The following KCNAB1 variants were observed in gnomAD, a reference collection of about 807,000 sequenced individuals.
KCNAB1 encodes voltage-gated potassium channel subunit beta-1.
A neutral mutation model predicts 64.6 loss-of-function variants in KCNAB1; 35 were observed. The ratio of observed to expected loss-of-function variants is 0.54; its 90% CI spans 0.41 to 0.72. The LOEUF (loss-of-function observed/expected upper bound fraction) is 0.72. Among genes scored for constraint, KCNAB1 ranks in the 30% least tolerant of loss-of-function variants. KCNAB1 has a pLI of 0.00. For missense variants in KCNAB1, 401 were observed against 512.9 expected (o/e 0.78, Z 2.11); for synonymous variants, 177 against 183.8 (o/e 0.96, Z 0.30).
chr3:156,487,217 A>G (rs1715281120), intron 8 of KCNAB1, among the ~76,000 whole-genome samples: 1 of 152,154 alleles, frequency 6.6e-6, no homozygotes, highest in Non-Finnish European at 1.5e-5. Context: ...CATAAATTAC[A>G]GAATAAAGCA....
chr3:156,201,372 C>A (rs1467079992), intron 1 of KCNAB1, among the ~76,000 whole-genome samples: 1 of 152,074 alleles, frequency 6.6e-6, no homozygotes, highest in East Asian at 1.9e-4. Context: ...TCCCATATAC[C>A]CTATCCTCCC....
Position 156,378,417 on chromosome 3 carries a change from A to G in KCNAB1, c.276-43199A>G, listed in dbSNP as rs116104108. 7.1e-3 allele frequency among the ~76,000 whole-genome samples: 1,075 copies of G among 152,122 alleles called. 9 individuals carry two copies. Among genetic ancestry groups the G allele is most frequent in the African/African-American group, 0.025 (1,027 of 41,488 alleles). On this transcript the variant is annotated intron_variant, in intron 1 of 13. Coordinates refer to ENST00000490337, the MANE Select transcript of KCNAB1 (RefSeq NM_172160.3). ...GAAACCTTAGAATTTTGCCCCTTAA[A>G]CTTGGGCACTGAACTATGCATGCAT... is the stretch of plus-strand genomic sequence containing the variant.
At chr3:156,177,754 C>G (rs1712498011) in intron 1 of KCNAB1, among the ~76,000 whole-genome samples, 1 of 150,108 alleles carries the variant, frequency 6.7e-6, no homozygotes, top group African/African-American at 2.5e-5. Flanking sequence ...TGCATATCTT[C>G]TTTTGCGACA....
intron 1 of KCNAB1, among the ~76,000 whole-genome samples, chr3:156,138,620 G>A (rs973656415): frequency 1.3e-5 from 2 of 152,336 alleles, no homozygotes; most frequent in South Asian, 2.1e-4. Context: ...TTTATAACTA[G>A]TGAATAATTC....
chr3:156,536,928 A>T lies in KCNAB1; in HGVS notation c.*181A>T. 1 of 593,520 alleles carries T rather than the reference A, an allele frequency of 1.7e-6. No homozygotes were observed. Among genetic ancestry groups the T allele is most frequent in the South Asian group, 2.1e-5 (1 of 47,868 alleles). The allele number at this position is 593,520 out of a possible 1,614,324, so 36.8% of individuals were successfully genotyped here. On this transcript the variant is annotated 3_prime_UTR_variant, in exon 14 of 14. Transcript: ENST00000490337. ...CACTGTGCACATCTGAAAACTCACA[A>T]CCAAGAAAATCCATTCTATTTTCTT...
chr3:156,333,223 C>G (rs1432292509), intron 1 of KCNAB1, among the ~76,000 whole-genome samples: 1 of 152,030 alleles, frequency 6.6e-6, no homozygotes, highest in Non-Finnish European at 1.5e-5. Context: ...AAGTTTCCCC[C>G]TTTTGGCTGT....
At chr3:156,260,317 A>G (rs994610561) in intron 1 of KCNAB1, among the ~76,000 whole-genome samples, 5 of 152,180 alleles carry the variant, frequency 3.3e-5, no homozygotes, top group Non-Finnish European at 7.3e-5. Flanking sequence ...ATAAATGTAC[A>G]ATTCAGTGAT....
chr3:156,381,585 A>T (rs1327184396), intron 1 of KCNAB1, among the ~76,000 whole-genome samples: 1 of 152,216 alleles, frequency 6.6e-6, no homozygotes, highest in Non-Finnish European at 1.5e-5. Context: ...TCTTCAGGGA[A>T]ATTTACAGAA....
intron 1 of KCNAB1, among the ~76,000 whole-genome samples, chr3:156,294,792 T>A (rs1576688125): frequency 6.6e-6 from 1 of 152,260 alleles, no homozygotes; most frequent in East Asian, 1.9e-4. Context: ...GATCCCTAAA[T>A]CCAACAGAAG....
intron 7 of KCNAB1, among the ~76,000 whole-genome samples, chr3:156,468,134 A>T (rs997760768): frequency 2.6e-5 from 4 of 152,150 alleles, no homozygotes; most frequent in Non-Finnish European, 5.9e-5. Context: ...CTAAGAGCTA[A>T]TGTTTCATTT....
chr3:156,349,704 G>C (rs1724729303), intron 1 of KCNAB1, among the ~76,000 whole-genome samples: 1 of 152,100 alleles, frequency 6.6e-6, no homozygotes, highest in Non-Finnish European at 1.5e-5. Flanking sequence ...GCGACCACAG[G>C]CAAGTGCCAG....
chr3:156,355,353 A>G (rs1253600481), intron 1 of KCNAB1, among the ~76,000 whole-genome samples: 3 of 151,576 alleles, frequency 2.0e-5, no homozygotes, highest in Non-Finnish European at 4.4e-5. Flanking sequence ...TCTAACAAGC[A>G]TAAGTGCTTG....
intron 1 of KCNAB1, among the ~76,000 whole-genome samples, chr3:156,322,244 C>G (rs1169181772): frequency 6.6e-6 from 1 of 152,176 alleles, no homozygotes; most frequent in Non-Finnish European, 1.5e-5. Flanking sequence ...TCTCCTGTCA[C>G]TTTTCTGCCC....
At chr3:156,284,808 C>A (rs1420310070) in intron 1 of KCNAB1, among the ~76,000 whole-genome samples, 1 of 152,228 alleles carries the variant, frequency 6.6e-6, no homozygotes, top group East Asian at 1.9e-4. Context: ...TGAGGCAATG[C>A]CTCACCCTGC....
At chr3:156,291,860 C>A (rs752611476) in intron 1 of KCNAB1, 2 of 1,609,010 alleles carry the variant, frequency 1.2e-6, no homozygotes, top group East Asian at 4.5e-5. Context: ...CTCGTGACTG[C>A]CTGTGTTCTG....
At chr3:156,492,674 A>T (rs1715715229) in intron 8 of KCNAB1, among the ~76,000 whole-genome samples, 1 of 152,140 alleles carries the variant, frequency 6.6e-6, no homozygotes, top group Non-Finnish European at 1.5e-5. Context: ...TGTTTAAGCC[A>T]CTAAAAAAAT....
intron 8 of KCNAB1, among the ~76,000 whole-genome samples, chr3:156,481,227 T>C (rs889014708): frequency 2.0e-5 from 3 of 152,066 alleles, no homozygotes; most frequent in Non-Finnish European, 4.4e-5. Context: ...TGAGTATTAC[T>C]GTATCAATTA....
intron 1 of KCNAB1, among the ~76,000 whole-genome samples, chr3:156,167,039 C>G (rs1319586024): frequency 1.3e-5 from 2 of 152,176 alleles, no homozygotes; most frequent in Admixed American, 6.5e-5. Flanking sequence ...AAGTCCAGCA[C>G]CCTACTCTGG....
intron 1 of KCNAB1, among the ~76,000 whole-genome samples, chr3:156,245,896 A>G (rs1717423609): frequency 6.6e-6 from 1 of 152,154 alleles, no homozygotes; most frequent in Non-Finnish European, 1.5e-5. Context: ...TTTTAGGATC[A>G]TGGTGTTGAG....
Sources: allele counts gnomAD v4.1 joint callset (sites outside exome capture counted in the v4.1 genomes callset), GRCh38; gene constraint gnomAD v4.1.1; transcripts MANE v1.5; gene names NCBI Gene and HGNC (gene_info 2026-07-23, HGNC 2026-07-21).